Variants in LRP1 observed in about 807,000 individuals in gnomAD.
The protein encoded by LRP1 is prolow-density lipoprotein receptor-related protein 1.
Under a neutral mutation model 541.5 loss-of-function variants are expected in LRP1, and 51 were observed. That is an observed-to-expected ratio of 0.09 (90% CI 0.08 to 0.12). The LOEUF is 0.12. Ranked by LOEUF, LRP1 falls within the 10% of genes least tolerant of loss-of-function variation. LRP1 has a pLI of 1.00. For synonymous variants in LRP1, 2,219 were observed against 2,470.8 expected (o/e 0.90, Z 3.02); for missense variants, 3,878 against 6,376.2 (o/e 0.61, Z 13.34).
chr12:57,183,073 G>A lies in LRP1; in HGVS notation c.5663-306G>A, dbSNP rs941862911. Among the ~76,000 whole-genome samples the A allele has an allele frequency of 6.6e-6, 1 of 151,876 alleles. No individual in the cohort carries two copies. The highest frequency in any genetic ancestry group is 2.4e-5 in the African/African-American group (1 of 41,374). On this transcript the variant is annotated intron_variant, in intron 34 of 88. Coordinates refer to ENST00000243077, the MANE Select transcript of LRP1 (RefSeq NM_002332.3). The surrounding 1 kb of genome is among the most constrained non-coding windows in gnomAD (Gnocchi z 6.1). Reference sequence around the variant, plus strand: ...CCAGACTTTCCCTAAGGAACTTGCAGGGGTGCAGGGTTGGGTTGTGCTGGG... The same window carrying A: ...CCAGACTTTCCCTAAGGAACTTGCAAGGGTGCAGGGTTGGGTTGTGCTGGG...
At position 57,158,624 on chromosome 12, in the gene LRP1, C is replaced by A. The variant is rs758213342; in HGVS notation, c.1784C>A (p.Thr595Asn). The change falls in exon 11 of 89, where the codon ACC becomes AAC. Residue 595 changes from threonine to asparagine, a missense_variant. By Grantham distance (65) the Thr-to-Asn change is moderately conservative. This residue lies in a region of LRP1 where 496 missense variants were observed against 861.0 expected (regional missense o/e 0.58). Transcript: ENST00000243077. This position sits in a 1 kb window ranked among gnomAD's most constrained non-coding sequence, Gnocchi z 5.3. ...RQKIDGTERETILKDGIHNVE... is the reference protein window; with the variant it reads ...RQKIDGTERENILKDGIHNVE... ...AAGATTGATGGCACTGAGCGGGAGA[C>A]CATCCTGAAGGACGGTATGGGCTCC... 1 of 1,614,090 alleles carries A rather than the reference C, an allele frequency of 6.2e-7. No individual in the cohort carries two copies. The highest frequency in any genetic ancestry group is 1.7e-5 in the Admixed American group (1 of 60,014).
rs1027372802 is a variant in LRP1 at position 57,150,615 on chromosome 12, G to A, written c.842-3593G>A. Reference sequence around the variant, plus strand: ...CCACCTAGAGTCAGGAGGCCACAGGGCTCTGGCTGGAGGCACAGAGGGCGA... The same window carrying A: ...CCACCTAGAGTCAGGAGGCCACAGGACTCTGGCTGGAGGCACAGAGGGCGA... On this transcript the variant is annotated intron_variant, in intron 6 of 88. Transcript: ENST00000243077. Among the ~76,000 whole-genome samples, 23 of 152,328 alleles carry A rather than the reference G, an allele frequency of 1.5e-4. No homozygotes were observed. In the East Asian group the frequency reaches 3.7e-3, roughly 24 times the overall value.
intron 12 of LRP1, among the ~76,000 whole-genome samples, chr12:57,160,230 C>T (rs1366485310): frequency 6.6e-6 from 1 of 152,096 alleles, no homozygotes; most frequent in African/African-American, 2.4e-5. Context: ...CAGGGCCTTC[C>T]ACCAGCTCCC....
chr12:57,194,334 C>A lies in LRP1; in HGVS notation c.7919-20C>A, dbSNP rs1332543063. On this transcript the variant is annotated intron_variant, in intron 48 of 88. Transcript: ENST00000243077. ...GATCCAGGGGGAACCAGGTATCACC[C>A]TCACCCCTGCCCCCACCAGGTGCCA... 8.0e-6 allele frequency: 12 copies of A among 1,508,952 alleles called. No homozygotes were observed. The highest frequency in any genetic ancestry group is 1.1e-5 in the Non-Finnish European group (12 of 1,130,034). 93.5% of individuals were successfully genotyped at this position (1,508,952 alleles called of 1,614,324 possible). A position where few individuals can be genotyped will look rare whatever the true frequency, so the allele number is the denominator to read the frequency against.
In LRP1 at chr12:57,185,677, T is replaced by G; in HGVS notation, c.6610T>G (p.Ser2204Ala). 1 of 1,613,908 alleles carries G rather than the reference T, an allele frequency of 6.2e-7. No individual in the cohort carries two copies. The highest frequency in any genetic ancestry group is 8.5e-7 in the Non-Finnish European group (1 of 1,179,992). ...CREYAGYLLY[S>A]ERTILKSIHL... ...CGAGTATGCCGGCTACCTGCTCTAC[T>G]CAGAGCGCACCATTCTCAAGAGTAT... is the stretch of plus-strand genomic sequence containing the variant. The change falls in exon 41 of 89, where the codon TCA becomes GCA. Residue 2204 changes from serine to alanine, a missense_variant. Coordinates refer to ENST00000243077, the MANE Select transcript of LRP1 (RefSeq NM_002332.3). The surrounding 1 kb of genome is among the most constrained non-coding windows in gnomAD (Gnocchi z 4.9).
At position 57,183,282 on chromosome 12, in the gene LRP1, A is replaced by T; in HGVS notation, c.5663-97A>T. ...ATAGGGATGATGGTGGGGGGGGATG[A>T]TATCAAAGGAGAAGCAGAGAACAGT... On this transcript the variant is annotated intron_variant, in intron 34 of 88. Coordinates refer to ENST00000243077, the MANE Select transcript of LRP1 (RefSeq NM_002332.3). The surrounding 1 kb of genome is among the most constrained non-coding windows in gnomAD (Gnocchi z 6.1). 1 of 1,287,834 alleles carries T rather than the reference A, an allele frequency of 7.8e-7. No individual in the cohort carries two copies. The highest frequency in any genetic ancestry group is 1.1e-6 in the Non-Finnish European group (1 of 913,914). The allele number at this position is 1,287,834 out of a possible 1,614,324, so 79.8% of individuals were successfully genotyped here. A position where few individuals can be genotyped will look rare whatever the true frequency, so the allele number is the denominator to read the frequency against.
At chr12:57,174,718 TC>T (rs1436998675) in intron 22 of LRP1, among the ~76,000 whole-genome samples, 10 of 152,218 alleles carry the variant, frequency 6.6e-5, no homozygotes, top group African/African-American at 2.4e-4. Flanking sequence ...TGAGCCAACA[TC>T]CTGCCACTGC....
At position 57,195,854 on chromosome 12, in the gene LRP1, C is replaced by T; in HGVS notation, c.8561-9C>T. The T allele has an allele frequency of 1.2e-6, 2 of 1,614,008 alleles. No individual in the cohort carries two copies. The highest frequency in any genetic ancestry group is 1.1e-5 in the South Asian group (1 of 91,084). ...GGGCATCAGCCTCACAGGTCCATTC[C>T]TCCCCCAGAGTACCCGACCTGCGGC... On this transcript the variant is annotated splice_polypyrimidine_tract_variant and intron_variant, in intron 53 of 88. Transcript: ENST00000243077.
intron 47 of LRP1, 49 bp downstream of exon 47, chr12:57,193,734 C>T: frequency 1.2e-6 from 2 of 1,613,818 alleles, no homozygotes; most frequent in Non-Finnish European, 8.5e-7. Flanking sequence ...GTTCCTGCCC[C>T]ACCCCTCCCT....
chr12:57,187,230 G>A, intron 41 of LRP1, 37 bp from the exon 42 acceptor site: 5 of 1,590,104 alleles, frequency 3.1e-6, no homozygotes, highest in Non-Finnish European at 3.4e-6. Flanking sequence ...TGCCCTCTGG[G>A]CCCTCCTGAC....
chr12:57,177,379 C>T lies in LRP1; in HGVS notation c.4197-48C>T, dbSNP rs777568206. The T allele has an allele frequency of 1.9e-6, 3 of 1,562,544 alleles. No individual in the cohort carries two copies. The Admixed American group carries it at 5.2e-5, about 27-fold the overall frequency. ...TACCTACGATCCCACCACAGTCGCT[C>T]CCTGAGGGCCCTGACTTTAGCCCTC... On this transcript the variant is annotated intron_variant, in intron 25 of 88. Coordinates refer to ENST00000243077, the MANE Select transcript of LRP1 (RefSeq NM_002332.3). The surrounding 1 kb of genome is among the most constrained non-coding windows in gnomAD (Gnocchi z 6.8).
At chr12:57,187,079 G>A (rs762333411) in intron 41 of LRP1, among the ~76,000 whole-genome samples, 188 bp from the exon 42 acceptor site, 4 of 152,192 alleles carry the variant, frequency 2.6e-5, no homozygotes, top group African/African-American at 4.8e-5. Context: ...AGTGAGGACA[G>A]CAGAGGTTGG....
chr12:57,144,389 A>AC (rs1164903604), intron 4 of LRP1, among the ~76,000 whole-genome samples: 1 of 152,060 alleles, frequency 6.6e-6, no homozygotes, highest in Non-Finnish European at 1.5e-5. Flanking sequence ...TTACTTGGTC[A>AC]CCTCCCTGTT....
intron 20 of LRP1, among the ~76,000 whole-genome samples, chr12:57,171,085 C>T (rs1257938743): frequency 1.3e-5 from 2 of 152,134 alleles, no homozygotes; most frequent in African/African-American, 4.8e-5. Flanking sequence ...GGTGATATCC[C>T]TTAGGGTTCT....
At chr12:57,192,033 A>G (rs1273853393) in intron 44 of LRP1, among the ~76,000 whole-genome samples, 1 of 72,468 alleles carries the variant, frequency 1.4e-5, no homozygotes, top group East Asian at 4.1e-4. Flanking sequence ...ACCACCCACA[A>G]CACACATCAC....
chr12:57,156,161 A>G lies in LRP1; in HGVS notation c.1295A>G (p.Asn432Ser). The G allele has an allele frequency of 1.2e-6, 2 of 1,614,066 alleles. No homozygotes were observed. The highest frequency in any genetic ancestry group is 1.7e-6 in the Non-Finnish European group (2 of 1,180,024). ...TATGCCACCAACTCGGACAATGCCAATGCCCAGCAGAAGACGAGTGTGATC... is the reference window on the plus strand; with the variant it reads ...TATGCCACCAACTCGGACAATGCCAGTGCCCAGCAGAAGACGAGTGTGATC... ...YLYATNSDNA[N>S]AQQKTSVIRV... Residue 432 changes from asparagine to serine, a missense_variant, in exon 9 of 89, where the codon AAT (asparagine) becomes AGT (serine). Asn to Ser is a conservative substitution (Grantham distance 46, BLOSUM62 1). Around this residue, in one of 13 missense-constraint regions of LRP1, gnomAD observed 496 missense variants for 861.0 expected, o/e 0.58. Coordinates refer to ENST00000243077, the MANE Select transcript of LRP1 (RefSeq NM_002332.3). The surrounding 1 kb of genome is among the most constrained non-coding windows in gnomAD (Gnocchi z 5.2).
rs755339004 is a variant in LRP1, at chr12:57,196,161, G to A, written c.8776G>A (p.Gly2926Ser). ...RCVAEALLCNGQDDCGDSSDE... is the reference protein window; with the variant it reads ...RCVAEALLCNSQDDCGDSSDE... ...TGTGGCTGAGGCACTGCTCTGCAAC[G>A]GCCAGGATGACTGTGGCGACAGCTC... is the stretch of plus-strand genomic sequence containing the variant. The change falls in exon 55 of 89, where the codon GGC (glycine) becomes AGC (serine). Residue 2926 changes from glycine to serine, a missense_variant. Transcript: ENST00000243077. 9.3e-5 allele frequency: 150 copies of A among 1,612,782 alleles called. No homozygotes were observed. The highest frequency in any genetic ancestry group is 1.2e-4 in the Non-Finnish European group (141 of 1,179,474).
At position 57,211,631 on chromosome 12, in the gene LRP1, C is replaced by G; in HGVS notation, c.13193+43C>G. 1 of 1,607,472 alleles carries G rather than the reference C, an allele frequency of 6.2e-7. No individual in the cohort carries two copies. The highest frequency in any genetic ancestry group is 8.5e-7 in the Non-Finnish European group (1 of 1,174,122). Reference sequence around the variant, plus strand: ...TTCACCCAGGCATAGATCATCGCTCCCTTCCCCAGATTTGAGCAGGAGGAC... The same window carrying G: ...TTCACCCAGGCATAGATCATCGCTCGCTTCCCCAGATTTGAGCAGGAGGAC... On this transcript the variant is annotated intron_variant, in intron 85 of 88. Coordinates refer to ENST00000243077, the MANE Select transcript of LRP1 (RefSeq NM_002332.3). The surrounding 1 kb of genome is among the most constrained non-coding windows in gnomAD (Gnocchi z 4.3).
chr12:57,162,916 C>T lies in LRP1; in HGVS notation c.2463C>T (p.Thr821=), dbSNP rs995663851. 2 of 1,609,168 alleles carry T rather than the reference C, an allele frequency of 1.2e-6. No homozygotes were observed. The highest frequency in any genetic ancestry group is 2.7e-5 in the African/African-American group (2 of 74,910). The change falls in exon 15 of 89, where the codon ACC becomes ACT. Residue 821 remains threonine (T), a synonymous_variant. Transcript: ENST00000243077. This position sits in a 1 kb window ranked among gnomAD's most constrained non-coding sequence, Gnocchi z 5.2. Reference sequence around the variant, plus strand: ...GCTGCAGCAGCCTGTGCTTGGCCACCCCTGGGAGCCGCCAGTGCGCCTGTG... The same window carrying T: ...GCTGCAGCAGCCTGTGCTTGGCCACTCCTGGGAGCCGCCAGTGCGCCTGTG... ...NGGCSSLCLA[T]PGSRQCACAE... is the part of the protein sequence containing the mutation.
Sources: allele counts gnomAD v4.1 joint callset (sites outside exome capture counted in the v4.1 genomes callset), GRCh38; gene constraint gnomAD v4.1.1; regional missense constraint gnomAD v4.1.1; non-coding constraint Gnocchi (gnomAD v3.1); transcripts MANE v1.5; gene names NCBI Gene and HGNC (gene_info 2026-07-23, HGNC 2026-07-21).